Variants in NRXN3 observed in about 807,000 individuals in gnomAD.
NRXN3 encodes neurexin III.
A neutral mutation model predicts 137.6 loss-of-function variants in NRXN3; 32 were observed. The ratio of observed to expected loss-of-function variants is 0.23; its 90% CI spans 0.18 to 0.31. NRXN3 has a LOEUF of 0.31. Ranked by LOEUF, NRXN3 falls within the 10% of genes least tolerant of loss-of-function variation. The pLI is 1.00. For missense variants in NRXN3, 1,574 were observed against 2,062.5 expected (o/e 0.76, Z 4.59); for synonymous variants, 798 against 784.5 (o/e 1.02, Z -0.29).
rs568472053 is a variant in NRXN3, at chr14:78,503,939, A to G, written c.758-141181A>G. On this transcript the variant is annotated intron_variant, in intron 4 of 20. Transcript: ENST00000335750. ...GAATGTGTTTCATAAAAATCTTTTT[A>G]GAAGAATGTCATCCAGAGACCACAA... 4.0e-4 allele frequency among the ~76,000 whole-genome samples: 61 copies of G among 152,300 alleles called. 1 individual carries two copies. In the South Asian group the frequency reaches 0.012, roughly 31 times the overall value.
chr14:78,874,823 G>T (rs147122338), intron 10 of NRXN3, among the ~76,000 whole-genome samples: 1 of 152,198 alleles, frequency 6.6e-6, no homozygotes, highest in East Asian at 1.9e-4. Context: ...ATGCCAGAAG[G>T]CATTGACAAG....
intron 8 of NRXN3, among the ~76,000 whole-genome samples, chr14:78,729,488 AG>A (rs1471056033): frequency 6.6e-6 from 1 of 152,190 alleles, no homozygotes; most frequent in Admixed American, 6.5e-5. Context: ...GAGTAAATTC[AG>A]GATTGAGAAA....
At chr14:79,629,502 T>C (rs767189511) in intron 16 of NRXN3, among the ~76,000 whole-genome samples, 3 of 152,194 alleles carry the variant, frequency 2.0e-5, no homozygotes, top group Non-Finnish European at 2.9e-5. Flanking sequence ...TGCGTAGCCC[T>C]GGTTAATTAA....
intron 8 of NRXN3, among the ~76,000 whole-genome samples, chr14:78,765,422 G>A (rs1329652938): frequency 6.6e-6 from 1 of 151,992 alleles, no homozygotes; most frequent in African/African-American, 2.4e-5. Flanking sequence ...CAAAGTGCTG[G>A]GATTACAGGC....
At chr14:78,736,529 C>T (rs1402285666) in intron 8 of NRXN3, among the ~76,000 whole-genome samples, 1 of 152,094 alleles carries the variant, frequency 6.6e-6, no homozygotes, top group Non-Finnish European at 1.5e-5. Context: ...AAGGACATTG[C>T]CCCATTTAAT....
chr14:78,968,183 T>C lies in NRXN3; in HGVS notation c.2979T>C (p.Tyr993=), dbSNP rs146685878. Residue 993 remains tyrosine, a synonymous_variant, in exon 14 of 21, where the codon TAT becomes TAC. Transcript: ENST00000335750. ...TACTTTCCTTTCCAGGTGATCTCTA[T>C]ATGGCTGGTCTGGCCCAAGGCATGT... is the stretch of plus-strand genomic sequence containing the variant. ...AKNLDLKGDL[Y]MAGLAQGMYS... is the part of the protein sequence containing the mutation. The C allele has an allele frequency of 2.5e-6, 4 of 1,612,210 alleles. No individual in the cohort carries two copies. The highest frequency in any genetic ancestry group is 3.4e-6 in the Non-Finnish European group (4 of 1,178,924).
At chr14:78,699,749 C>T (rs2098261260) in intron 6 of NRXN3, among the ~76,000 whole-genome samples, 1 of 152,148 alleles carries the variant, frequency 6.6e-6, no homozygotes, top group South Asian at 2.1e-4. Flanking sequence ...TTTTACTCTA[C>T]TGGAGTTGGT....
intron 19 of NRXN3, among the ~76,000 whole-genome samples, chr14:79,714,408 AAGCTGGAGGCTTTGAAGT>A (rs1195981467): frequency 6.6e-6 from 1 of 152,244 alleles, no homozygotes; most frequent in Non-Finnish European, 1.5e-5. Flanking sequence ...CCAGAAAACG[AAGCTGGAGGCTTTGAAGT>A]AAATCAAAAT....
chr14:78,390,655 T>C (rs2090624209), intron 4 of NRXN3, among the ~76,000 whole-genome samples: 1 of 152,258 alleles, frequency 6.6e-6, no homozygotes, highest in Non-Finnish European at 1.5e-5. Context: ...AACTTCTCTC[T>C]ACGATCCTAA....
intron 10 of NRXN3, among the ~76,000 whole-genome samples, chr14:78,898,905 T>A (rs1450888972): frequency 6.6e-6 from 1 of 151,932 alleles, no homozygotes; most frequent in Admixed American, 6.6e-5. Context: ...ATAAAATGAT[T>A]GTTAAAAATT....
intron 4 of NRXN3, among the ~76,000 whole-genome samples, chr14:78,415,897 C>A (rs549708571): frequency 1.3e-5 from 2 of 152,012 alleles, no homozygotes; most frequent in Middle Eastern, 3.2e-3. Context: ...TGCCGGCACA[C>A]TGATCTCAGA....
At chr14:79,035,929 A>G (rs904273738) in intron 15 of NRXN3, among the ~76,000 whole-genome samples, 8 of 152,120 alleles carry the variant, frequency 5.3e-5, no homozygotes, top group Non-Finnish European at 1.2e-4. Flanking sequence ...TTAAATGCTA[A>G]CAGTAGAATT....
intron 4 of NRXN3, among the ~76,000 whole-genome samples, chr14:78,420,874 G>A (rs889588094): frequency 1.3e-5 from 2 of 152,192 alleles, no homozygotes; most frequent in Non-Finnish European, 2.9e-5. Context: ...ATGGATTCGG[G>A]TGGAGGCTCA....
intron 19 of NRXN3, among the ~76,000 whole-genome samples, chr14:79,770,874 C>G (rs1380705521): frequency 6.6e-6 from 1 of 151,992 alleles, no homozygotes; most frequent in Non-Finnish European, 1.5e-5. Context: ...TGATAGACCA[C>G]TAGCAAGACT....
At chr14:79,472,370 C>A (rs1174683178) in intron 16 of NRXN3, among the ~76,000 whole-genome samples, 2 of 152,082 alleles carry the variant, frequency 1.3e-5, no homozygotes, top group African/African-American at 2.4e-5. Context: ...GGCCTTTGGT[C>A]ATTTTAAAAA....
intron 4 of NRXN3, among the ~76,000 whole-genome samples, chr14:78,581,369 C>G (rs1037527903): frequency 6.6e-6 from 1 of 152,106 alleles, no homozygotes; most frequent in Admixed American, 6.5e-5. Context: ...GAGGGCTGCT[C>G]TCTGCTTCCG....
intron 14 of NRXN3, among the ~76,000 whole-genome samples, chr14:78,987,045 A>G (rs1217802163): frequency 2.0e-5 from 3 of 147,426 alleles, no homozygotes; most frequent in South Asian, 4.3e-4. Context: ...AAAAAAAAAG[A>G]ATTCATTTTT....
chr14:79,397,626 C>A (rs547672378), intron 15 of NRXN3, among the ~76,000 whole-genome samples: 1 of 152,138 alleles, frequency 6.6e-6, no homozygotes, highest in Non-Finnish European at 1.5e-5. Context: ...AATCATAAAA[C>A]AATGGTCTTG....
intron 8 of NRXN3, among the ~76,000 whole-genome samples, chr14:78,717,681 AGTTGACATAT>A (rs2098440391): frequency 1.2e-4 from 18 of 152,260 alleles, no homozygotes; most frequent in Admixed American, 2.6e-4. Flanking sequence ...TCCTGCAGGA[AGTTGACATAT>A]ATTGAAGCCC....
Sources: allele counts gnomAD v4.1 joint callset (sites outside exome capture counted in the v4.1 genomes callset), GRCh38; gene constraint gnomAD v4.1.1; transcripts MANE v1.5; gene names NCBI Gene and HGNC (gene_info 2026-07-23, HGNC 2026-07-21).